Variants in PIGK observed in about 807,000 individuals in gnomAD.
PIGK encodes phosphatidylinositol glycan anchor biosynthesis class K, also known as GPI-anchor transamidase.
Under a neutral mutation model 50.6 loss-of-function variants are expected in PIGK, and 42 were observed. The observed-to-expected ratio is 0.83, with a 90% CI of 0.65 to 1.07. PIGK has a LOEUF of 1.07. PIGK is among the 50% of genes least tolerant of loss of function. The pLI, the probability that PIGK is intolerant of heterozygous loss-of-function variation, is 0.00. For missense variants in PIGK, 448 were observed against 488.7 expected (o/e 0.92, Z 0.78); for synonymous variants, 151 against 156.0 (o/e 0.97, Z 0.24).
chr1:77,109,103 T>C (rs950845321), intron 10 of PIGK, among the ~76,000 whole-genome samples: 4 of 152,150 alleles, frequency 2.6e-5, no homozygotes, highest in African/African-American at 9.7e-5. Flanking sequence ...GCTCTGAAAT[T>C]GAGGCAATAA....
chr1:77,163,164 T>C (rs1655165500), intron 6 of PIGK, among the ~76,000 whole-genome samples: 1 of 152,220 alleles, frequency 6.6e-6, no homozygotes, highest in African/African-American at 2.4e-5. Context: ...ACATTGCTTA[T>C]GCTTTTATTT....
At chr1:77,144,695 C>T (rs563196131) in intron 9 of PIGK, among the ~76,000 whole-genome samples, 83 of 151,822 alleles carry the variant, frequency 5.5e-4, no homozygotes, top group African/African-American at 1.8e-3. Flanking sequence ...AAATAAACTG[C>T]TAAAAAACAA....
At chr1:77,150,726 C>T (rs1390651819) in intron 9 of PIGK, among the ~76,000 whole-genome samples, 2 of 151,696 alleles carry the variant, frequency 1.3e-5, no homozygotes, top group Non-Finnish European at 2.9e-5. Context: ...AAGTACATGC[C>T]GAAAAAACTG....
At position 77,091,498 on chromosome 1, in the gene PIGK, C is replaced by A. The variant is rs1020673491; in HGVS notation, c.*876G>T. ...CAGAATGAAATAAAGTCCTTGTTGG[C>A]TCTCTCTTTCAAGATGGAAAATGAA... On this transcript the variant is annotated 3_prime_UTR_variant, in exon 11 of 11. Transcript: ENST00000370812. The A allele has an allele frequency of 3.9e-5, 6 of 152,154 alleles. No homozygotes were observed. Among genetic ancestry groups the A allele is most frequent in the African/African-American group, 1.2e-4 (5 of 41,438 alleles). The allele number at this position is 152,154 out of a possible 1,614,324, so 9.4% of individuals were successfully genotyped here. A position where few individuals can be genotyped will look rare whatever the true frequency, so the allele number is the denominator to read the frequency against.
intron 3 of PIGK, among the ~76,000 whole-genome samples, chr1:77,197,279 A>G (rs1419400084): frequency 6.6e-6 from 1 of 152,054 alleles, no homozygotes; most frequent in Non-Finnish European, 1.5e-5. Context: ...AGAGAGATTA[A>G]TTTTTCCAAG....
rs188171969 is a variant in PIGK, at chr1:77,199,821, T to C, written c.239+6819A>G. Among the ~76,000 whole-genome samples the C allele has an allele frequency of 2.0e-5, 3 of 152,152 alleles. No homozygotes were observed. The East Asian group carries it at 5.8e-4, about 29-fold the overall frequency. The stretch of plus-strand genomic sequence containing the variant: ...TCCCCAAGAATTACAACAGTTAATA[T>C]TCATGTAACATTTACAATTAGAAAA... On this transcript the variant is annotated intron_variant, in intron 3 of 10. Transcript: ENST00000370812.
At chr1:77,186,358 A>G (rs1570249366) in intron 3 of PIGK, among the ~76,000 whole-genome samples, 1 of 152,270 alleles carries the variant, frequency 6.6e-6, no homozygotes, top group African/African-American at 2.4e-5. Flanking sequence ...CCCAGTGGGC[A>G]GAACTTCGAG....
Position 77,213,109 on chromosome 1 carries a change from G to C in PIGK, c.94-2620C>G, listed in dbSNP as rs565459915. Among the ~76,000 whole-genome samples the C allele has an allele frequency of 5.6e-4, 85 of 152,238 alleles. 1 individual carries two copies. The Middle Eastern group carries it at 0.017, about 30-fold the overall frequency. On this transcript the variant is annotated intron_variant, in intron 1 of 10. Coordinates refer to ENST00000370812, the MANE Select transcript of PIGK (RefSeq NM_005482.3). ...CCAGCTAATTTTTGTATTTTTGGTA[G>C]AGACAGGGTTTCACCATGTTGGCCA...
chr1:77,178,039 T>G (rs1655527335), intron 3 of PIGK, among the ~76,000 whole-genome samples: 1 of 152,244 alleles, frequency 6.6e-6, no homozygotes, highest in African/African-American at 2.4e-5. Flanking sequence ...TGTTTTTTCC[T>G]TGTTTATGCC....
At chr1:77,139,280 T>TGAGCAAAGTGGA (rs1240206466) in intron 9 of PIGK, among the ~76,000 whole-genome samples, 1 of 151,806 alleles carries the variant, frequency 6.6e-6, no homozygotes, top group Non-Finnish European at 1.5e-5. Flanking sequence ...CTTCCTCTGT[T>TGAGCAAAGTGGA]GCAAGCCACT....
rs111714633 is a variant in PIGK at position 77,206,351 on chromosome 1, A to G, written c.239+289T>C. Among the ~76,000 whole-genome samples the G allele has an allele frequency of 4.7e-3, 715 of 152,324 alleles. 4 individuals carry two copies. Among genetic ancestry groups the G allele is most frequent in the Middle Eastern group, 0.027 (8 of 294 alleles). On this transcript the variant is annotated intron_variant, in intron 3 of 10. Coordinates refer to ENST00000370812, the MANE Select transcript of PIGK (RefSeq NM_005482.3). The stretch of plus-strand genomic sequence containing the variant: ...TCAGAATTGCACTCCATTATCTGCA[A>G]TTAAAAACCCTGACTGAGCCATTTA...
chr1:77,146,127 G>C (rs780576514), intron 9 of PIGK, among the ~76,000 whole-genome samples: 1 of 151,948 alleles, frequency 6.6e-6, no homozygotes, highest in Non-Finnish European at 1.5e-5. Flanking sequence ...TGGAATATTT[G>C]GATGTCCATA....
intron 10 of PIGK, among the ~76,000 whole-genome samples, chr1:77,096,699 T>C (rs1260304060): frequency 2.6e-5 from 4 of 152,112 alleles, no homozygotes; most frequent in Non-Finnish European, 5.9e-5. Flanking sequence ...ACTTGCAGAA[T>C]TGTGAGCTAA....
At chr1:77,166,610 A>G (rs907927791) in intron 5 of PIGK, 109 bp downstream of exon 5, 1 of 593,132 alleles carries the variant, frequency 1.7e-6, no homozygotes, top group East Asian at 2.9e-5. Context: ...TACATGAGAA[A>G]CCATTTTAAC....
At chr1:77,126,341 T>C (rs1382518487) in intron 9 of PIGK, among the ~76,000 whole-genome samples, 1 of 152,198 alleles carries the variant, frequency 6.6e-6, no homozygotes, top group African/African-American at 2.4e-5. Flanking sequence ...TTGGCTTTTT[T>C]AGAATGAGCA....
intron 9 of PIGK, among the ~76,000 whole-genome samples, chr1:77,133,079 A>G (rs554715256): frequency 3.9e-5 from 6 of 152,240 alleles, no homozygotes; most frequent in African/African-American, 1.4e-4. Context: ...AATGTTTATT[A>G]TCACTTTAAA....
chr1:77,141,288 T>G (rs1654645425), intron 9 of PIGK, among the ~76,000 whole-genome samples: 1 of 152,110 alleles, frequency 6.6e-6, no homozygotes, highest in African/African-American at 2.4e-5. Flanking sequence ...TGAGATCATA[T>G]CCTAAGAACT....
intron 3 of PIGK, among the ~76,000 whole-genome samples, 195 bp downstream of exon 3, chr1:77,206,445 A>C (rs1302213455): frequency 4.6e-5 from 7 of 152,210 alleles, no homozygotes; most frequent in African/African-American, 1.4e-4. Flanking sequence ...TTGTTCTTTT[A>C]TATAATTTGT....
At chr1:77,163,246 T>C (rs1264314194) in intron 6 of PIGK, among the ~76,000 whole-genome samples, 1 of 152,186 alleles carries the variant, frequency 6.6e-6, no homozygotes, top group Non-Finnish European at 1.5e-5. Flanking sequence ...GTAAACACTT[T>C]GAAGGCAGAA....
Sources: allele counts gnomAD v4.1 joint callset (sites outside exome capture counted in the v4.1 genomes callset), GRCh38; gene constraint gnomAD v4.1.1; transcripts MANE v1.5; gene names NCBI Gene and HGNC (gene_info 2026-07-23, HGNC 2026-07-21).